Variants in DPP6 observed in about 807,000 individuals in gnomAD.
DPP6 encodes dipeptidyl peptidase like 6.
Under a neutral mutation model 122.6 loss-of-function variants are expected in DPP6, and 69 were observed. That is an observed-to-expected ratio of 0.56 (90% confidence interval 0.46 to 0.69). The LOEUF is 0.69. Ranked by LOEUF, DPP6 falls within the 30% of genes least tolerant of loss-of-function variation. DPP6 has a pLI of 0.00. For synonymous variants in DPP6, 418 were observed against 433.1 expected, an observed-to-expected ratio of 0.97 and a Z score of 0.43; for missense variants, 928 against 1,116.9, an observed-to-expected ratio of 0.83 and a Z score of 2.41.
At chr7:154,668,303 C>T (rs1158672951) in intron 6 of DPP6, among the ~76,000 whole-genome samples, 2 of 147,230 alleles carry the variant, frequency 1.4e-5, no homozygotes, top group Non-Finnish European at 3.0e-5. Flanking sequence ...TCACTGCAAG[C>T]TCTGCCTCCC....
chr7:154,442,651 C>T (rs1819487252), intron 1 of DPP6, among the ~76,000 whole-genome samples: 1 of 152,140 alleles, frequency 6.6e-6, no homozygotes, highest in Admixed American at 6.5e-5. Context: ...TGCCATGTCA[C>T]AGGGGCAAAG....
intron 1 of DPP6, among the ~76,000 whole-genome samples, chr7:154,296,142 C>T (rs1314278666): frequency 6.6e-6 from 1 of 152,044 alleles, no homozygotes; most frequent in Non-Finnish European, 1.5e-5. Context: ...GACGGGGTTT[C>T]ACCATGTTAG....
chr7:154,718,447 TA>T (rs1841612932), intron 7 of DPP6, among the ~76,000 whole-genome samples: 1 of 152,158 alleles, frequency 6.6e-6, no homozygotes, highest in African/African-American at 2.4e-5. Flanking sequence ...AATTGGGGTC[TA>T]ATTTCATTCT....
intron 1 of DPP6, among the ~76,000 whole-genome samples, chr7:154,199,183 A>G (rs1799035424): frequency 6.6e-6 from 1 of 152,094 alleles, no homozygotes; most frequent in Non-Finnish European, 1.5e-5. Flanking sequence ...TCAAATGCCC[A>G]CCAACATTTG....
intron 12 of DPP6, among the ~76,000 whole-genome samples, chr7:154,796,653 G>T (rs575989685): frequency 6.6e-6 from 1 of 152,190 alleles, no homozygotes; most frequent in African/African-American, 2.4e-5. Flanking sequence ...CCAGACTTCA[G>T]TCTCATGAAT....
At chr7:154,521,039 G>A (rs1269097220) in intron 3 of DPP6, among the ~76,000 whole-genome samples, 2 of 151,998 alleles carry the variant, frequency 1.3e-5, no homozygotes, top group African/African-American at 4.8e-5. Flanking sequence ...CTCTAAGTGA[G>A]GTTTTTTAAA....
chr7:154,123,765 C>T (rs560167191), intron 1 of DPP6, among the ~76,000 whole-genome samples: 1 of 116,224 alleles, frequency 8.6e-6, no homozygotes, highest in East Asian at 2.4e-4. Context: ...TACCTGGGGA[C>T]ACTCACTATG....
chr7:154,412,641 T>C (rs894216209), intron 1 of DPP6, among the ~76,000 whole-genome samples: 1 of 152,234 alleles, frequency 6.6e-6, no homozygotes, highest in Non-Finnish European at 1.5e-5. Flanking sequence ...TGCTTTACTT[T>C]CTAATTTCCC....
At chr7:154,501,746 T>C (rs11972839) in intron 3 of DPP6, among the ~76,000 whole-genome samples, 40,696 of 152,010 alleles carry the variant, frequency 0.27, 5,518 homozygotes, top group Middle Eastern at 0.34. Flanking sequence ...GGAAGGAAAA[T>C]GTGGGGTTGG....
intron 1 of DPP6, among the ~76,000 whole-genome samples, chr7:153,993,794 C>T (rs375390118): frequency 0.06 from 7,391 of 123,250 alleles, no homozygotes; most frequent in African/African-American, 0.13. Context: ...CTAAACCAAG[C>T]TGAAAAGTAG....
At chr7:154,386,311 C>T (rs1442439417) in intron 1 of DPP6, among the ~76,000 whole-genome samples, 2 of 152,092 alleles carry the variant, frequency 1.3e-5, no homozygotes, top group East Asian at 3.9e-4. Context: ...CCCCCCACCC[C>T]CACCATGCTT....
At chr7:154,543,206 T>G (rs12668159) in intron 4 of DPP6, among the ~76,000 whole-genome samples, 6,340 of 152,300 alleles carry the variant, frequency 0.042, 174 homozygotes, top group East Asian at 0.084. Flanking sequence ...TGAGGCCAAC[T>G]GTAATTTTTA....
intron 4 of DPP6, among the ~76,000 whole-genome samples, chr7:154,565,506 G>A (rs1830686308): frequency 1.3e-5 from 2 of 152,052 alleles, no homozygotes; most frequent in African/African-American, 4.8e-5. Flanking sequence ...CTAAGGTGCA[G>A]AGGACCATAA....
the DPP6 span, among the ~76,000 whole-genome samples, chr7:153,824,413 G>A: frequency 6.6e-5 from 9 of 137,022 alleles, no homozygotes; most frequent in East Asian, 2.1e-4. Flanking sequence ...AAAGCCAGGC[G>A]TAGTGGCTCA....
At chr7:154,690,660 A>G (rs955865048) in intron 7 of DPP6, among the ~76,000 whole-genome samples, 1 of 152,026 alleles carries the variant, frequency 6.6e-6, no homozygotes, top group Non-Finnish European at 1.5e-5. Context: ...AGAGTTGGAC[A>G]TATCTTCTCC....
In DPP6 at chr7:154,801,438, T is replaced by A; in HGVS notation, c.1383T>A (p.Tyr461Ter). Residue 461 changes from tyrosine (Y) to a stop codon, truncating the protein, a stop_gained, in exon 13 of 26, where the codon TAT becomes TAA. Coordinates refer to ENST00000377770, the MANE Select transcript of DPP6 (RefSeq NM_130797.4). LOFTEE classifies it high-confidence loss of function. ...AIPQGGRGKF[Y>*]HITVSSSQPN... ...CCCAGGGAGGACGAGGGAAATTCTA[T>A]CACATCACGGTGTCCTCGTCCCAGG... is the stretch of plus-strand genomic sequence containing the variant. The A allele has an allele frequency of 1.9e-6, 3 of 1,590,224 alleles. No individual in the cohort carries two copies. Among genetic ancestry groups the A allele is most frequent in the Non-Finnish European group, 2.6e-6 (3 of 1,167,262 alleles).
At chr7:154,737,542 T>A (rs749627070) in intron 8 of DPP6, among the ~76,000 whole-genome samples, 1 of 152,194 alleles carries the variant, frequency 6.6e-6, no homozygotes, top group Non-Finnish European at 1.5e-5. Flanking sequence ...GGTCTAGAGA[T>A]GTGGAATTTT....
At chr7:154,213,001 C>T (rs1799819015) in intron 1 of DPP6, among the ~76,000 whole-genome samples, 1 of 152,126 alleles carries the variant, frequency 6.6e-6, no homozygotes, top group Admixed American at 6.6e-5. Context: ...CATTGGAGCA[C>T]ACCATGTTGG....
At chr7:153,882,457 C>T (rs56738293), upstream of DPP6, among the ~76,000 whole-genome samples, 9,581 of 152,232 alleles carry the variant, frequency 0.063, 468 homozygotes, top group East Asian at 0.22. Flanking sequence ...TAGTAATAAG[C>T]AACAAGAAAA....
Sources: gnomAD v4.1 joint callset for allele counts (sites outside exome capture counted in the v4.1 genomes callset) on GRCh38, gnomAD v4.1.1 for gene constraint, MANE v1.5 for transcripts, NCBI Gene and HGNC (gene_info 2026-07-23, HGNC 2026-07-21) for gene names.